The following BCAR3 variants were observed in gnomAD, a reference collection of about 807,000 sequenced individuals.
The protein encoded by BCAR3 is breast cancer anti-estrogen resistance protein 3.
In BCAR3, 37 loss-of-function variants were observed where a neutral mutation model predicts 80.1. The ratio of observed to expected loss-of-function variants is 0.46; its 90% CI spans 0.36 to 0.61. BCAR3 has a LOEUF of 0.61. Ranked by LOEUF, BCAR3 falls within the 20% of genes least tolerant of loss-of-function variation. BCAR3 has a pLI of 0.00. For missense variants in BCAR3, 978 were observed against 1,068.2 expected, an observed-to-expected ratio of 0.92 and a Z score of 1.18; for synonymous variants, 389 against 418.9, an observed-to-expected ratio of 0.93 and a Z score of 0.87.
At chr1:93,629,841 T>C (rs1675557582) in intron 3 of BCAR3, among the ~76,000 whole-genome samples, 1 of 152,164 alleles carries the variant, frequency 6.6e-6, no homozygotes, top group African/African-American at 2.4e-5. Context: ...AATATGTGAG[T>C]ATTTAAGGTG....
At chr1:93,786,228 C>A (rs1382698290) in intron 2 of BCAR3, among the ~76,000 whole-genome samples, 1 of 124,906 alleles carries the variant, frequency 8.0e-6, no homozygotes, top group Non-Finnish European at 1.7e-5. Context: ...AAGTGCCATG[C>A]ATTTCTGCCT....
intron 3 of BCAR3, among the ~76,000 whole-genome samples, chr1:93,606,926 A>G (rs539414724): frequency 3.9e-5 from 6 of 152,246 alleles, no homozygotes; most frequent in African/African-American, 7.2e-5. Context: ...TTCCAATCAT[A>G]TCAGAATTGG....
chr1:93,688,766 TTTTTTGTTTG>T (rs918523048), intron 3 of BCAR3, among the ~76,000 whole-genome samples: 5 of 140,890 alleles, frequency 3.5e-5, no homozygotes, highest in Non-Finnish European at 6.0e-5. Context: ...TGGCTAAGGT[TTTTTTGTTTG>T]TTTTTGTTTG....
chr1:93,610,185 G>A (rs150859435), intron 3 of BCAR3, among the ~76,000 whole-genome samples: 146 of 152,318 alleles, frequency 9.6e-4, no homozygotes, highest in African/African-American at 3.2e-3. Context: ...GGGGAAATGT[G>A]CCTCAAATAC....
chr1:93,834,400 C>T (rs1027549495), intron 2 of BCAR3, among the ~76,000 whole-genome samples: 1 of 152,096 alleles, frequency 6.6e-6, no homozygotes, highest in African/African-American at 2.4e-5. Flanking sequence ...ACCTAGCTGA[C>T]CCCATAGATC....
chr1:93,846,864 G>A (rs778885065), intron 1 of BCAR3: 5 of 483,748 alleles, frequency 1.0e-5, no homozygotes, highest in South Asian at 4.6e-5. Context: ...ACCAGAGCCC[G>A]GATACCTCAG....
intron 2 of BCAR3, among the ~76,000 whole-genome samples, chr1:93,716,269 A>T (rs1308383926): frequency 6.6e-6 from 1 of 152,252 alleles, no homozygotes; most frequent in Non-Finnish European, 1.5e-5. Flanking sequence ...AAATAAATGA[A>T]CTTTAAAAGA....
At chr1:93,566,229 C>T (rs1014325592) in intron 11 of BCAR3, among the ~76,000 whole-genome samples, 10 of 152,054 alleles carry the variant, frequency 6.6e-5, no homozygotes, top group African/African-American at 1.4e-4. Context: ...GGTCTCTCAG[C>T]GCCTTTGCTT....
chr1:93,570,281 G>T (rs1218801585), intron 9 of BCAR3, among the ~76,000 whole-genome samples: 1 of 152,156 alleles, frequency 6.6e-6, no homozygotes, highest in Non-Finnish European at 1.5e-5. Context: ...GGCAATGATG[G>T]AATTTCAGTG....
At chr1:93,740,754 G>A (rs758813482) in intron 2 of BCAR3, among the ~76,000 whole-genome samples, 5 of 152,028 alleles carry the variant, frequency 3.3e-5, no homozygotes, top group Admixed American at 6.6e-5. Context: ...CCAGCAGCCC[G>A]GCCTAATATC....
intron 11 of BCAR3, among the ~76,000 whole-genome samples, chr1:93,563,628 T>G (rs1045792056): frequency 2.6e-5 from 4 of 152,246 alleles, no homozygotes; most frequent in African/African-American, 9.6e-5. Context: ...TCATTTTATA[T>G]TCACAGCAGT....
At chr1:93,602,429 A>G (rs1409369624) in intron 3 of BCAR3, 1 of 152,206 alleles carries the variant, frequency 6.6e-6, no homozygotes, top group Admixed American at 6.5e-5. Flanking sequence ...GACCTGCATC[A>G]TCACTGCCCC....
chr1:93,845,502 A>ATATATATATATCTTGTCAAG, intron 2 of BCAR3: 1 of 113,822 alleles, frequency 8.8e-6, no homozygotes, highest in South Asian at 2.6e-4. Context: ...ATATATATAT[A>ATATATATATATCTTGTCAAG]AAACTTTGTT....
intron 2 of BCAR3, among the ~76,000 whole-genome samples, chr1:93,816,799 G>T (rs1291323914): frequency 6.6e-6 from 1 of 151,428 alleles, no homozygotes; most frequent in African/African-American, 2.4e-5. Context: ...AACCACCATA[G>T]CTAGGAACAA....
intron 2 of BCAR3, chr1:93,845,502 A>ATATATATATCTCATGATGTCAAG: frequency 1.8e-5 from 2 of 113,822 alleles, no homozygotes; most frequent in Non-Finnish European, 3.5e-5. Context: ...ATATATATAT[A>ATATATATATCTCATGATGTCAAG]AAACTTTGTT....
At chr1:93,710,360 C>T (rs896069410) in intron 2 of BCAR3, among the ~76,000 whole-genome samples, 1 of 152,200 alleles carries the variant, frequency 6.6e-6, no homozygotes, top group East Asian at 1.9e-4. Flanking sequence ...TGCTACGTCT[C>T]CCTTTGCCTC....
Position 93,567,740 on chromosome 1 carries a change from C to T in BCAR3, c.2086G>A (p.Glu696Lys). ...ATGCTTGCTCTGCCCACGTGCTCAC[C>T]TCTGCCTTCATGCAGGAGTTTGCTG... is the stretch of plus-strand genomic sequence containing the variant. ...PFSKLLHEGR[E>K]STCVPPNNVS... is the part of the protein sequence containing the mutation. The change falls in exon 10 of 12, where the codon GAG (glutamate) becomes AAG (lysine). Residue 696 changes from glutamate to lysine, a missense_variant and splice_region_variant. Coordinates refer to ENST00000260502, the MANE Select transcript of BCAR3 (RefSeq NM_003567.4). 1 of 1,613,286 alleles carries T rather than the reference C, an allele frequency of 6.2e-7. No individual in the cohort carries two copies. Among genetic ancestry groups the T allele is most frequent in the African/African-American group, 1.3e-5 (1 of 75,046 alleles).
At chr1:93,726,375 T>C (rs1401056024) in intron 2 of BCAR3, among the ~76,000 whole-genome samples, 2 of 152,172 alleles carry the variant, frequency 1.3e-5, no homozygotes, top group African/African-American at 2.4e-5. Flanking sequence ...GCCTGGCCTA[T>C]TAGCTATTCT....
chr1:93,725,846 C>T (rs1421031379), intron 2 of BCAR3, among the ~76,000 whole-genome samples: 1 of 152,104 alleles, frequency 6.6e-6, no homozygotes, highest in Admixed American at 6.5e-5. Context: ...TTTACTAGCC[C>T]TTTCTTTTTC....
Sources: gnomAD v4.1 joint callset for allele counts (sites outside exome capture counted in the v4.1 genomes callset) on GRCh38, gnomAD v4.1.1 for gene constraint, MANE v1.5 for transcripts, NCBI Gene and HGNC (gene_info 2026-07-23, HGNC 2026-07-21) for gene names.